Variants in GGA3 observed in about 807,000 individuals in gnomAD.
The protein encoded by GGA3 is ADP-ribosylation factor-binding protein GGA3.
GGA3 carries 57 observed loss-of-function variants against 77.5 expected under a neutral mutation model. The observed-to-expected ratio is 0.74, with a 90% CI of 0.59 to 0.92. The LOEUF (loss-of-function observed/expected upper bound fraction) is 0.92. Ranked by LOEUF, GGA3 falls within the 40% of genes least tolerant of loss-of-function variation. The pLI is 0.00. For missense variants in GGA3, 970 were observed against 914.9 expected (o/e 1.06, Z -0.78); for synonymous variants, 416 against 383.7 (o/e 1.08, Z -0.98).
upstream of GGA3, chr17:75,262,098 C>G (rs2077409055): frequency 3.1e-6 from 4 of 1,273,134 alleles, no homozygotes; most frequent in African/African-American, 5.9e-5. Context: ...TATCTGGATT[C>G]AAGCTTCTAA....
Position 75,241,595 on chromosome 17 carries a change from A to C in GGA3, c.829+20T>G. 6.2e-7 allele frequency: 1 copy of C among 1,612,008 alleles called. No homozygotes were observed. On this transcript the variant is annotated intron_variant, in intron 9 of 16. Coordinates refer to ENST00000537686, the MANE Select transcript of GGA3 (RefSeq NM_138619.4). ...TATCCAAATGCCTGGCTTATCCCTG[A>C]CCGTCGCTCTTTCACTCACCCAAAC...
chr17:75,240,015 AG>A lies in GGA3; in HGVS notation c.1356del (p.Ser453ProfsTer71). 2 of 1,552,062 alleles carry A rather than the reference AG, an allele frequency of 1.3e-6. No individual in the cohort carries two copies. Among genetic ancestry groups the A allele is most frequent in the South Asian group, 1.2e-5 (1 of 84,288 alleles). ...AGTGGAGCTTGGGAGCTGCTTGAGG[AG>A]GGGGCTGAGGGCTGGAGCAGAGGAG... ...SDAPLLQPSA[P>X]SSSSSQAPLP... On this transcript the variant is annotated frameshift_variant, in exon 13 of 17. Transcript: ENST00000537686. LOFTEE classifies it high-confidence loss of function.
At chr17:75,261,692 G>T, upstream of GGA3, 2 of 1,243,908 alleles carry the variant, frequency 1.6e-6, no homozygotes, top group Non-Finnish European at 2.2e-6. Context: ...TGCCGTCACC[G>T]AGGGCCGCGC....
At chr17:75,257,912 C>T (rs189478880) in intron 1 of GGA3, among the ~76,000 whole-genome samples, 1 of 152,288 alleles carries the variant, frequency 6.6e-6, no homozygotes, top group Non-Finnish European at 1.5e-5. Context: ...ACGTACACAT[C>T]CAGATGGCCT....
chr17:75,256,319 C>T (rs1470509976), intron 1 of GGA3, among the ~76,000 whole-genome samples: 3 of 152,052 alleles, frequency 2.0e-5, no homozygotes, highest in Admixed American at 1.3e-4. Context: ...TATTTTCTTC[C>T]TCATACCTGA....
chr17:75,261,962 G>A (rs560582238), upstream of GGA3: 15 of 1,606,592 alleles, frequency 9.3e-6, no homozygotes, highest in East Asian at 2.2e-5. Flanking sequence ...GGCGTGCGGC[G>A]GGCTGTCTTG....
chr17:75,250,744 AGAGT>A (rs2076934379), intron 1 of GGA3, among the ~76,000 whole-genome samples: 2 of 136,312 alleles, frequency 1.5e-5, no homozygotes, highest in African/African-American at 2.8e-5. Context: ...CCTGGGCAAC[AGAGT>A]GAGACTCCAT....
At chr17:75,246,381 A>G (rs999819975) in intron 3 of GGA3, 128 bp downstream of exon 3, 4 of 669,010 alleles carry the variant, frequency 6.0e-6, no homozygotes, top group African/African-American at 5.4e-5. Context: ...TTCGAGATCT[A>G]TCTAGTCTGT....
rs749706254 is a variant in GGA3, at chr17:75,243,126, C to T, written c.465G>A (p.Thr155=). Residue 155 remains threonine, a synonymous_variant, in exon 6 of 17, where the codon ACG becomes ACA. Coordinates refer to ENST00000537686, the MANE Select transcript of GGA3 (RefSeq NM_138619.4). ...GACGAGGTGGTGGAGAGGGGATCAG[C>T]GTCCTATCCACAGGAATTGGTGGGT... ...QSDPPIPVDR[T]LIPSPPPRPK... is the part of the protein sequence containing the mutation. 3.7e-6 allele frequency: 6 copies of T among 1,612,602 alleles called. No individual in the cohort carries two copies. In the Admixed American group the frequency reaches 6.7e-5, roughly 18 times the overall value.
rs369925640 is a variant in GGA3 at position 75,256,107 on chromosome 17, G to A, written c.40+5441C>T. Among the ~76,000 whole-genome samples the A allele has an allele frequency of 4.6e-5, 7 of 152,112 alleles. No homozygotes were observed. In the East Asian group the frequency reaches 1.2e-3, roughly 25 times the overall value. ...AAACAACAACTCCTTTCCTTCCTAG[G>A]CATGGTTAGTGTGTCAGAATTCTTA... On this transcript the variant is annotated intron_variant, in intron 1 of 16. Transcript: ENST00000537686.
chr17:75,246,801 C>T lies in GGA3; in HGVS notation c.41-5G>A, dbSNP rs771613837. Reference sequence around the variant, plus strand: ...TGGAAGGATTGGTGGCTTTATCTTGCAACACAACAAAGAAGAGGACAAGTG... The same window carrying T: ...TGGAAGGATTGGTGGCTTTATCTTGTAACACAACAAAGAAGAGGACAAGTG... On this transcript the variant is annotated splice_polypyrimidine_tract_variant and splice_region_variant and intron_variant, in intron 1 of 16. Transcript: ENST00000537686. The T allele has an allele frequency of 3.7e-6, 6 of 1,608,790 alleles. No homozygotes were observed. In the South Asian group the frequency reaches 6.6e-5, roughly 18 times the overall value.
intron 1 of GGA3, among the ~76,000 whole-genome samples, chr17:75,258,443 G>A (rs1210329389): frequency 6.6e-6 from 1 of 152,178 alleles, no homozygotes. Flanking sequence ...GCTGAGGCAG[G>A]TGGCTCACTT....
intron 1 of GGA3, among the ~76,000 whole-genome samples, chr17:75,251,866 A>G (rs373486036): frequency 6.7e-6 from 1 of 149,498 alleles, no homozygotes; most frequent in East Asian, 2.0e-4. Context: ...TCAACTTCCC[A>G]GGCTCAGATG....
In GGA3 at chr17:75,238,217, G is replaced by T; in HGVS notation, c.*62C>A. On this transcript the variant is annotated 3_prime_UTR_variant, in exon 17 of 17. Transcript: ENST00000537686. ...GGGCATGGAGAGTGACGGGACCAGA[G>T]CCCTCCTCGTCTCAGGGCAGCCTGC... The T allele has an allele frequency of 1.3e-6, 2 of 1,587,084 alleles. No homozygotes were observed. Among genetic ancestry groups the T allele is most frequent in the South Asian group, 2.3e-5 (2 of 87,674 alleles).
At chr17:75,261,872 T>G (rs146835650), upstream of GGA3, 3 of 1,603,058 alleles carry the variant, frequency 1.9e-6, no homozygotes, top group African/African-American at 4.0e-5. Context: ...CCGAGGGCAG[T>G]CCTTGTGGGG....
rs2076386722 is a variant in GGA3 at position 75,238,193 on chromosome 17, G to C, written c.*86C>G. On this transcript the variant is annotated 3_prime_UTR_variant, in exon 17 of 17. Coordinates refer to ENST00000537686, the MANE Select transcript of GGA3 (RefSeq NM_138619.4). The stretch of plus-strand genomic sequence containing the variant: ...TCAAAGCTACAAGCACTGTTGTCAG[G>C]GCATGGAGAGTGACGGGACCAGAGC... 5 of 1,554,108 alleles carry C rather than the reference G, an allele frequency of 3.2e-6. No homozygotes were observed. Among genetic ancestry groups the C allele is most frequent in the Non-Finnish European group, 4.4e-6 (5 of 1,149,336 alleles).
rs372429800 is a variant in GGA3, at chr17:75,240,556, G to A, written c.1193-144C>T. 31 of 674,646 alleles carry A rather than the reference G, an allele frequency of 4.6e-5. No homozygotes were observed. In the East Asian group the frequency reaches 5.4e-4, roughly 12 times the overall value. The allele number at this position is 674,646 out of a possible 1,614,324, so 41.8% of individuals were successfully genotyped here. A position where few individuals can be genotyped will look rare whatever the true frequency, so the allele number is the denominator to read the frequency against. On this transcript the variant is annotated intron_variant, in intron 11 of 16. Transcript: ENST00000537686. ...AGCTGTTCTGCAGGCAGCCTCCAGA[G>A]GGGAATGGAGCGCTCCAGTCCATGA...
intron 1 of GGA3, among the ~76,000 whole-genome samples, chr17:75,254,546 G>C (rs1036676829): frequency 5.9e-5 from 9 of 152,100 alleles, no homozygotes; most frequent in African/African-American, 2.2e-4. Flanking sequence ...GACCCTAAGA[G>C]GTCAAAGGGC....
Position 75,237,205 on chromosome 17 carries a change from G to A in GGA3, c.*1074C>T, listed in dbSNP as rs1222232106. ...TAGGGTCTGGTGACTCAGCTCAAGT[G>A]TGGCCCGATCTCATCACCTCCAGAC... On this transcript the variant is annotated 3_prime_UTR_variant, in exon 17 of 17. Coordinates refer to ENST00000537686, the MANE Select transcript of GGA3 (RefSeq NM_138619.4). 1.4e-5 allele frequency: 8 copies of A among 565,612 alleles called. No homozygotes were observed. Among genetic ancestry groups the A allele is most frequent in the South Asian group, 8.4e-5 (4 of 47,582 alleles). The allele number at this position is 565,612 out of a possible 1,614,324, so 35.0% of individuals were successfully genotyped here.
Sources: gnomAD v4.1 joint callset for allele counts (sites outside exome capture counted in the v4.1 genomes callset) on GRCh38, gnomAD v4.1.1 for gene constraint, MANE v1.5 for transcripts, NCBI Gene and HGNC (gene_info 2026-07-23, HGNC 2026-07-21) for gene names.